The following LPP variants were observed in gnomAD, a reference collection of about 807,000 sequenced individuals.
The protein encoded by LPP is lipoma-preferred partner.
A neutral mutation model predicts 60.4 loss-of-function variants in LPP; 38 were observed. That is an observed-to-expected ratio of 0.63 (90% CI 0.49 to 0.83). The LOEUF is 0.83. LPP is among the 40% of genes least tolerant of loss of function. The pLI is 0.00. For missense variants in LPP, 902 were observed against 783.6 expected, an observed-to-expected ratio of 1.15 and a Z score of -1.80; for synonymous variants, 328 against 290.8, an observed-to-expected ratio of 1.13 and a Z score of -1.30.
At chr3:188,325,181 A>G (rs1758073402) in intron 2 of LPP, among the ~76,000 whole-genome samples, 1 of 151,974 alleles carries the variant, frequency 6.6e-6, no homozygotes, top group Non-Finnish European at 1.5e-5. Flanking sequence ...GGTTTTCACC[A>G]TGTTGGCCAG....
intron 8 of LPP, among the ~76,000 whole-genome samples, chr3:188,739,688 T>C (rs1025325375): frequency 2.6e-5 from 4 of 152,044 alleles, no homozygotes; most frequent in Non-Finnish European, 5.9e-5. Flanking sequence ...AAAAATATCC[T>C]TGATAAGCTA....
intron 5 of LPP, among the ~76,000 whole-genome samples, chr3:188,522,521 T>C (rs941820332): frequency 6.6e-6 from 1 of 152,112 alleles, no homozygotes; most frequent in African/African-American, 2.4e-5. Context: ...TATTCAAAAA[T>C]ACTTACTGAA....
intron 2 of LPP, among the ~76,000 whole-genome samples, chr3:188,240,942 T>G (rs2149460761): frequency 6.6e-6 from 1 of 152,342 alleles, no homozygotes; most frequent in Middle Eastern, 3.4e-3. Context: ...ATCTTTTATA[T>G]GTCCTTAACT....
rs985605788 is a variant in LPP, at chr3:188,804,358, G to A, written c.1410+44076G>A. 6.2e-5 allele frequency among the ~76,000 whole-genome samples: 9 copies of A among 144,270 alleles called. No homozygotes were observed. In the South Asian group the frequency reaches 1.1e-3, roughly 18 times the overall value. The allele number at this position is 144,270 out of a possible 152,430, so 94.6% of individuals were successfully genotyped here. On this transcript the variant is annotated intron_variant, in intron 9 of 11. Coordinates refer to ENST00000617246, the MANE Select transcript of LPP (RefSeq NM_001375462.1). The stretch of plus-strand genomic sequence containing the variant: ...AGCAACATGGATAGAACTAGGGGTC[G>A]TTATCCTAAATGAAATAAATTAGAA...
At chr3:188,682,865 G>A (rs1300223438) in intron 7 of LPP, among the ~76,000 whole-genome samples, 1 of 152,140 alleles carries the variant, frequency 6.6e-6, no homozygotes, top group Non-Finnish European at 1.5e-5. Flanking sequence ...AGGCCCTAAT[G>A]CACACAGGAA....
intron 6 of LPP, among the ~76,000 whole-genome samples, chr3:188,541,668 G>T (rs1371783923): frequency 1.3e-5 from 2 of 152,092 alleles, no homozygotes; most frequent in Non-Finnish European, 2.9e-5. Flanking sequence ...AAGCTGGGAA[G>T]GGCGGATCAC....
At chr3:188,231,224 A>T (rs552921184) in intron 2 of LPP, among the ~76,000 whole-genome samples, 5 of 152,198 alleles carry the variant, frequency 3.3e-5, no homozygotes, top group African/African-American at 1.2e-4. Flanking sequence ...TATGAGCACA[A>T]GGTTATTAAT....
At chr3:188,389,109 TTG>T (rs1266562392) in intron 3 of LPP, among the ~76,000 whole-genome samples, 1 of 151,888 alleles carries the variant, frequency 6.6e-6, no homozygotes, top group Non-Finnish European at 1.5e-5. Flanking sequence ...ATTATTTAAG[TTG>T]TGTGTGTGTA....
chr3:188,194,702 A>G (rs1250442676), intron 1 of LPP, among the ~76,000 whole-genome samples: 1 of 152,238 alleles, frequency 6.6e-6, no homozygotes, highest in African/African-American at 2.4e-5. Flanking sequence ...GCATGTAGAC[A>G]TGATTGAAAT....
chr3:188,484,072 C>G (rs1421726645), intron 4 of LPP, among the ~76,000 whole-genome samples: 1 of 152,098 alleles, frequency 6.6e-6, no homozygotes, highest in Non-Finnish European at 1.5e-5. Flanking sequence ...ATCGCCATGC[C>G]TACATTCTCC....
chr3:188,521,443 CA>C (rs1818839939), intron 5 of LPP, among the ~76,000 whole-genome samples: 1 of 152,054 alleles, frequency 6.6e-6, no homozygotes, highest in Admixed American at 6.6e-5. Context: ...TTAGATATTG[CA>C]GTGACTTCAG....
chr3:188,855,408 A>C (rs66966540), intron 9 of LPP, among the ~76,000 whole-genome samples: 15,333 of 152,280 alleles, frequency 0.1, 1,035 homozygotes, highest in Middle Eastern at 0.16. Flanking sequence ...GTAGCAACTA[A>C]ATTCATGAAG....
intron 8 of LPP, among the ~76,000 whole-genome samples, chr3:188,713,190 T>C (rs560554841): frequency 6.6e-6 from 1 of 152,338 alleles, no homozygotes; most frequent in Admixed American, 6.5e-5. Flanking sequence ...CAGCATCGTC[T>C]AGGCAGTGGT....
Position 188,760,109 on chromosome 3 carries a change from C to T in LPP, c.1241-4C>T, listed in dbSNP as rs753180067. 1.2e-5 allele frequency: 19 copies of T among 1,602,598 alleles called. 1 individual carries two copies. The South Asian group carries it at 2.0e-4, about 17-fold the overall frequency. On this transcript the variant is annotated splice_polypyrimidine_tract_variant and splice_region_variant and intron_variant, in intron 8 of 11. Coordinates refer to ENST00000617246, the MANE Select transcript of LPP (RefSeq NM_001375462.1). ...GTGTTCTTATCAAACCCTTTTTTTT[C>T]CAGGCCGCTGTGCTCGCTGTGGAGA...
intron 4 of LPP, among the ~76,000 whole-genome samples, chr3:188,423,094 C>T (rs1227865899): frequency 6.6e-6 from 1 of 151,954 alleles, no homozygotes; most frequent in Non-Finnish European, 1.5e-5. Context: ...TGCTATCCCT[C>T]CCCTAGGCCC....
chr3:188,401,124 C>T (rs1782139769), intron 3 of LPP, among the ~76,000 whole-genome samples: 1 of 152,176 alleles, frequency 6.6e-6, no homozygotes, highest in Admixed American at 6.5e-5. Context: ...CACAGGGACT[C>T]TATGTCTATA....
At chr3:188,207,259 T>C (rs565972045) in intron 1 of LPP, among the ~76,000 whole-genome samples, 2 of 147,784 alleles carry the variant, frequency 1.4e-5, no homozygotes, top group African/African-American at 5.0e-5. Flanking sequence ...TGAGGTGGAC[T>C]CTTGCCCTGT....
At chr3:188,279,565 C>T (rs1029766071) in intron 2 of LPP, among the ~76,000 whole-genome samples, 1 of 152,180 alleles carries the variant, frequency 6.6e-6, no homozygotes, top group Admixed American at 6.5e-5. Context: ...GCACACAATC[C>T]TCATTCACTA....
intron 3 of LPP, among the ~76,000 whole-genome samples, chr3:188,374,397 G>A (rs1774301215): frequency 6.6e-6 from 1 of 152,066 alleles, no homozygotes; most frequent in African/African-American, 2.4e-5. Flanking sequence ...GCAGTGGTTT[G>A]TAGTTCTCCT....
Sources: allele counts gnomAD v4.1 joint callset (sites outside exome capture counted in the v4.1 genomes callset), GRCh38; gene constraint gnomAD v4.1.1; transcripts MANE v1.5; gene names NCBI Gene and HGNC (gene_info 2026-07-23, HGNC 2026-07-21).